The following BDNF variants were observed in gnomAD, a reference collection of about 807,000 sequenced individuals.
BDNF encodes the protein neurotrophic factor BDNF precursor form.
Under a neutral mutation model 19.5 loss-of-function variants are expected in BDNF, and 1 was observed. The observed-to-expected ratio is 0.05, with a 90% CI of 0.02 to 0.24. The LOEUF (loss-of-function observed/expected upper bound fraction) is 0.24. Among genes scored for constraint, BDNF ranks in the 10% least tolerant of loss-of-function variants. The pLI is 1.00. For missense variants in BDNF, 195 were observed against 317.6 expected, an observed-to-expected ratio of 0.61 and a Z score of 2.93; for synonymous variants, 100 against 121.6, an observed-to-expected ratio of 0.82 and a Z score of 1.17.
intron 1 of BDNF, among the ~76,000 whole-genome samples, chr11:27,672,926 T>C (rs917715546): frequency 1.3e-5 from 2 of 152,142 alleles, no homozygotes; most frequent in Admixed American, 6.5e-5. Flanking sequence ...GCAAAGGTTG[T>C]TTGTTTCCAA....
intron 1 of BDNF, among the ~76,000 whole-genome samples, chr11:27,671,411 T>C (rs916681593): frequency 6.6e-6 from 1 of 151,960 alleles, no homozygotes; most frequent in Non-Finnish European, 1.5e-5. Flanking sequence ...ATGATGACTC[T>C]GGAAATGGTG....
At chr11:27,707,291 A>G (rs1398168865) in intron 1 of BDNF, among the ~76,000 whole-genome samples, 1 of 152,250 alleles carries the variant, frequency 6.6e-6, no homozygotes, top group Non-Finnish European at 1.5e-5. Context: ...TGTCTCCATT[A>G]TGGCCTAACA....
chr11:27,718,038 C>A (rs1483572528), intron 1 of BDNF, among the ~76,000 whole-genome samples: 9 of 152,152 alleles, frequency 5.9e-5, no homozygotes, highest in African/African-American at 2.2e-4. Flanking sequence ...GGCAAGTCAA[C>A]TAAAAGGATA....
At chr11:27,680,072 T>C (rs1856644140) in intron 1 of BDNF, among the ~76,000 whole-genome samples, 1 of 152,246 alleles carries the variant, frequency 6.6e-6, no homozygotes, top group East Asian at 1.9e-4. Flanking sequence ...GAGTGTGATG[T>C]AGTCTCCTAA....
At chr11:27,667,692 G>A (rs1474942583) in intron 1 of BDNF, among the ~76,000 whole-genome samples, 1 of 152,158 alleles carries the variant, frequency 6.6e-6, no homozygotes, top group African/African-American at 2.4e-5. Flanking sequence ...TAATGATAAA[G>A]GGATCAATTC....
At chr11:27,693,025 C>A (rs1858506484) in intron 1 of BDNF, among the ~76,000 whole-genome samples, 1 of 152,182 alleles carries the variant, frequency 6.6e-6, no homozygotes, top group Non-Finnish European at 1.5e-5. Context: ...GTCATGCATT[C>A]CAAGTCCCCT....
At position 27,657,280 on chromosome 11, in the gene BDNF, C is replaced by T. The variant is rs1343993085; in HGVS notation, c.*541G>A. 8.1e-6 allele frequency: 8 copies of T among 986,068 alleles called. No homozygotes were observed. The highest frequency in any genetic ancestry group is 1.8e-5 in the African/African-American group (1 of 57,010). The allele number at this position is 986,068 out of a possible 1,614,324, so 61.1% of individuals were successfully genotyped here. On this transcript the variant is annotated 3_prime_UTR_variant, in exon 2 of 2. Coordinates refer to ENST00000356660, the MANE Select transcript of BDNF (RefSeq NM_001709.5). The surrounding 1 kb of genome is among the most constrained non-coding windows in gnomAD (Gnocchi z 5.0). ...AAACACAAAACAAACAAAAATATAC[C>T]CCCCATCCCCCATCCCCTAAGCCAG...
upstream of BDNF, chr11:27,700,998 C>T (rs370909786): frequency 5.1e-5 from 69 of 1,361,692 alleles, no homozygotes; most frequent in Non-Finnish European, 6.7e-5. Context: ...CACTACGGAG[C>T]TTGCGAACGC....
At chr11:27,699,634 T>A in intron 1 of BDNF, 1 of 1,440,696 alleles carries the variant, frequency 6.9e-7, no homozygotes, top group Non-Finnish European at 9.1e-7. Context: ...TAAGTCCACT[T>A]CAGTCTCAAT....
At chr11:27,718,599 A>G (rs1860620080) in intron 1 of BDNF, among the ~76,000 whole-genome samples, 1 of 130,208 alleles carries the variant, frequency 7.7e-6, no homozygotes, top group African/African-American at 2.8e-5. Context: ...CTTCGCGTAG[A>G]TCTGACTGAG....
At chr11:27,665,795 G>A (rs1044759468) in intron 1 of BDNF, among the ~76,000 whole-genome samples, 6 of 152,176 alleles carry the variant, frequency 3.9e-5, no homozygotes, top group African/African-American at 4.8e-5. Context: ...GGAGCCCACC[G>A]CAGCTCAAGG....
At chr11:27,678,784 C>A (rs1215124373) in intron 1 of BDNF, among the ~76,000 whole-genome samples, 3 of 152,124 alleles carry the variant, frequency 2.0e-5, no homozygotes. Context: ...AAATGAAAAA[C>A]CATTCTTTAA....
intron 1 of BDNF, among the ~76,000 whole-genome samples, chr11:27,662,821 G>A (rs1223608467): frequency 6.6e-6 from 1 of 152,164 alleles, no homozygotes. Context: ...AACAGGCCAG[G>A]GACTGGTAAC....
At chr11:27,697,623 A>G (rs973756203) in intron 1 of BDNF, 3 of 152,184 alleles carry the variant, frequency 2.0e-5, no homozygotes, top group Non-Finnish European at 2.9e-5. Flanking sequence ...GCAAATGATG[A>G]CTTTCTTGGT....
At chr11:27,662,005 GTTTTGT>G (rs1420749837) in intron 1 of BDNF, among the ~76,000 whole-genome samples, 18 of 151,808 alleles carry the variant, frequency 1.2e-4, no homozygotes, top group Non-Finnish European at 4.4e-5. Context: ...CACTTGTTTT[GTTTTGT>G]TTTTTTCCCA....
chr11:27,711,538 G>A (rs1860328219), intron 1 of BDNF, among the ~76,000 whole-genome samples: 1 of 152,150 alleles, frequency 6.6e-6, no homozygotes, highest in African/African-American at 2.4e-5. Flanking sequence ...TCTGATAATG[G>A]GAGACCCAGA....
chr11:27,691,007 C>A (rs1483821473), intron 1 of BDNF: 3 of 152,070 alleles, frequency 2.0e-5, no homozygotes, highest in Admixed American at 2.0e-4. Flanking sequence ...AAAAAGAGTT[C>A]TTCATGAAAG....
intron 1 of BDNF, among the ~76,000 whole-genome samples, chr11:27,660,477 G>A (rs1359810513): frequency 6.6e-6 from 1 of 152,030 alleles, no homozygotes; most frequent in Non-Finnish European, 1.5e-5. Context: ...TCGTCCATGG[G>A]GGTTTCTATT....
chr11:27,663,520 A>T (rs1255545516), intron 1 of BDNF, among the ~76,000 whole-genome samples: 3 of 152,234 alleles, frequency 2.0e-5, no homozygotes, highest in Non-Finnish European at 2.9e-5. Flanking sequence ...CATAACTTAC[A>T]TTTGTCTAAG....
Sources: gnomAD v4.1 joint callset for allele counts (sites outside exome capture counted in the v4.1 genomes callset) on GRCh38, gnomAD v4.1.1 for gene constraint, Gnocchi (gnomAD v3.1) non-coding constraint, MANE v1.5 for transcripts, NCBI Gene and HGNC (gene_info 2026-07-23, HGNC 2026-07-21) for gene names.